Variants in FGGY observed in about 807,000 individuals in gnomAD.
The protein encoded by FGGY is FGGY carbohydrate kinase domain containing.
A neutral mutation model predicts 71.3 loss-of-function variants in FGGY; 72 were observed. The ratio of observed to expected loss-of-function variants is 1.01; its 90% CI spans 0.84 to 1.23. FGGY has a LOEUF of 1.23. Ranked by LOEUF, FGGY falls within the 50% of genes most tolerant of loss-of-function variation. FGGY has a pLI of 0.00. For synonymous variants in FGGY, 251 were observed against 250.3 expected (o/e 1.00, Z -0.02); for missense variants, 668 against 682.3 (o/e 0.98, Z 0.23).
intron 8 of FGGY, among the ~76,000 whole-genome samples, chr1:59,562,828 T>C (rs1316889211): frequency 2.0e-5 from 3 of 152,216 alleles, no homozygotes; most frequent in Non-Finnish European, 2.9e-5. Flanking sequence ...ATTGTGGTAA[T>C]AACTTCACTG....
intron 4 of FGGY, among the ~76,000 whole-genome samples, chr1:59,373,666 T>G (rs369950798): frequency 1.3e-4 from 20 of 151,932 alleles, no homozygotes; most frequent in South Asian, 2.1e-4. Context: ...ATACTACAAG[T>G]CTACAGTAAC....
intron 1 of FGGY, among the ~76,000 whole-genome samples, chr1:59,302,159 T>C (rs1161214472): frequency 2.0e-5 from 3 of 152,204 alleles, no homozygotes; most frequent in Non-Finnish European, 4.4e-5. Flanking sequence ...TTATCCTTTT[T>C]TTATATTGCT....
chr1:59,611,659 G>C (rs2096681130), intron 9 of FGGY, among the ~76,000 whole-genome samples: 1 of 152,224 alleles, frequency 6.6e-6, no homozygotes, highest in Non-Finnish European at 1.5e-5. Context: ...GTATGACTTT[G>C]ACGAGTTGAG....
intron 7 of FGGY, among the ~76,000 whole-genome samples, chr1:59,515,246 T>A (rs545978536): frequency 1.3e-5 from 2 of 152,164 alleles, no homozygotes; most frequent in Non-Finnish European, 2.9e-5. Context: ...GATTTTGGAC[T>A]TGCCTGGGCC....
At chr1:59,384,615 G>A (rs1024546093) in intron 5 of FGGY, among the ~76,000 whole-genome samples, 5 of 152,114 alleles carry the variant, frequency 3.3e-5, no homozygotes, top group Non-Finnish European at 5.9e-5. Flanking sequence ...TTTACATTAA[G>A]CATAGAGGAA....
At chr1:59,647,610 G>C (rs1397497634) in intron 11 of FGGY, among the ~76,000 whole-genome samples, 1 of 152,126 alleles carries the variant, frequency 6.6e-6, no homozygotes, top group African/African-American at 2.4e-5. Context: ...ACTCATTCAA[G>C]TGGTTGACCT....
intron 9 of FGGY, 132 bp downstream of exon 9, chr1:59,608,042 T>C (rs1289031370): frequency 1.5e-6 from 1 of 662,666 alleles, no homozygotes; most frequent in East Asian, 2.7e-5. Context: ...TTTCTCTTAG[T>C]GCACAGCCTA....
chr1:59,507,684 A>ATTTTTTT lies in FGGY; in HGVS notation c.671-4610_671-4604dup, dbSNP rs561953004. Among the ~76,000 whole-genome samples, 199 of 106,870 alleles carry ATTTTTTT rather than the reference A, an allele frequency of 1.9e-3. 2 individuals carry two copies. Among genetic ancestry groups the ATTTTTTT allele is most frequent in the African/African-American group, 4.6e-3 (114 of 24,580 alleles). The allele number at this position is 106,870 out of a possible 152,430, so 70.1% of individuals were successfully genotyped here. A position where few individuals can be genotyped will look rare whatever the true frequency, so the allele number is the denominator to read the frequency against. On this transcript the variant is annotated intron_variant, in intron 6 of 15. Coordinates refer to ENST00000303721, the MANE Select transcript of FGGY (RefSeq NM_018291.5). ...AGGCAACTGCAACCATGCTTGGCTA[A>ATTTTTTT]TTTTTTTTTTTTTTTTTTTTTTTGT...
At chr1:59,536,289 A>C (rs2095312771) in intron 7 of FGGY, among the ~76,000 whole-genome samples, 1 of 152,212 alleles carries the variant, frequency 6.6e-6, no homozygotes, top group African/African-American at 2.4e-5. Context: ...GAAGAAGTTG[A>C]ATCTCTGAAT....
chr1:59,707,445 G>T (rs2097764604), intron 14 of FGGY, among the ~76,000 whole-genome samples: 1 of 152,206 alleles, frequency 6.6e-6, no homozygotes, highest in Non-Finnish European at 1.5e-5. Context: ...GAACAGAGTA[G>T]GCAGCCACAG....
chr1:59,453,528 G>A (rs2091400163), intron 5 of FGGY, among the ~76,000 whole-genome samples: 1 of 152,172 alleles, frequency 6.6e-6, no homozygotes, highest in Admixed American at 6.5e-5. Flanking sequence ...TCTGGTCTCA[G>A]TTGGACTCAC....
intron 6 of FGGY, among the ~76,000 whole-genome samples, chr1:59,478,601 TAAATA>T (rs1358519698): frequency 6.6e-6 from 1 of 152,200 alleles, no homozygotes; most frequent in African/African-American, 2.4e-5. Flanking sequence ...AGAGGATAAT[TAAATA>T]AAAGAGGGCA....
intron 13 of FGGY, among the ~76,000 whole-genome samples, chr1:59,670,329 C>T (rs1404747849): frequency 6.6e-6 from 1 of 152,190 alleles, no homozygotes. Context: ...GTCATTGGTG[C>T]CTTTAAACAT....
intron 5 of FGGY, among the ~76,000 whole-genome samples, chr1:59,412,469 T>C (rs143524721): frequency 1.3e-5 from 2 of 152,236 alleles, no homozygotes; most frequent in Admixed American, 6.5e-5. Context: ...ATTTGTTTTA[T>C]TCCCTTTGTC....
At chr1:59,629,709 A>C (rs1246984567) in intron 10 of FGGY, among the ~76,000 whole-genome samples, 2 of 152,220 alleles carry the variant, frequency 1.3e-5, no homozygotes, top group Admixed American at 6.5e-5. Context: ...ACTAAGCCAA[A>C]GAAAAGAGCA....
intron 14 of FGGY, among the ~76,000 whole-genome samples, chr1:59,714,846 T>C (rs540811336): frequency 6.6e-6 from 1 of 152,352 alleles, no homozygotes; most frequent in East Asian, 1.9e-4. Flanking sequence ...TTTTATTCCT[T>C]GTATTTGACA....
At chr1:59,642,178 A>C (rs899193977) in intron 11 of FGGY, among the ~76,000 whole-genome samples, 10 of 152,238 alleles carry the variant, frequency 6.6e-5, no homozygotes, top group African/African-American at 2.4e-4. Flanking sequence ...GGAAGGGTGT[A>C]GTTTGCACTA....
chr1:59,364,643 A>G (rs2056250996), intron 4 of FGGY, among the ~76,000 whole-genome samples: 1 of 152,220 alleles, frequency 6.6e-6, no homozygotes, highest in Non-Finnish European at 1.5e-5. Context: ...CAGTCTAGTG[A>G]GAGAGACAGA....
At chr1:59,585,199 C>G (rs1040647766) in intron 8 of FGGY, among the ~76,000 whole-genome samples, 23 of 152,140 alleles carry the variant, frequency 1.5e-4, no homozygotes, top group Non-Finnish European at 2.6e-4. Flanking sequence ...CAAAAAAGAG[C>G]CCACATTGCC....
Sources: gnomAD v4.1 joint callset for allele counts (sites outside exome capture counted in the v4.1 genomes callset) on GRCh38, gnomAD v4.1.1 for gene constraint, MANE v1.5 for transcripts, NCBI Gene and HGNC (gene_info 2026-07-23, HGNC 2026-07-21) for gene names.